The following TOGARAM2 variants were observed in gnomAD, a reference collection of about 807,000 sequenced individuals.
TOGARAM2 encodes TOG array regulator of axonemal microtubules protein 2.
TOGARAM2 carries 85 observed loss-of-function variants against 93.3 expected under a neutral mutation model. The observed-to-expected ratio is 0.91, with a 90% confidence interval of 0.76 to 1.09. The LOEUF is 1.09. Among genes scored for constraint, TOGARAM2 ranks in the 50% least tolerant of loss-of-function variants. TOGARAM2 has a pLI of 0.00. For synonymous variants in TOGARAM2, 593 were observed against 552.8 expected (o/e 1.07, Z -1.02); for missense variants, 1,277 against 1,334.5 (o/e 0.96, Z 0.67).
At chr2:28,996,710 C>T (rs1673005578) in intron 2 of TOGARAM2, among the ~76,000 whole-genome samples, 1 of 145,980 alleles carries the variant, frequency 6.9e-6, no homozygotes, top group Non-Finnish European at 1.5e-5. Flanking sequence ...GTAATCCCAG[C>T]TACTAGGGGG....
intron 18 of TOGARAM2, among the ~76,000 whole-genome samples, chr2:29,044,033 C>T (rs982529835): frequency 6.6e-6 from 1 of 152,188 alleles, no homozygotes; most frequent in African/African-American, 2.4e-5. Context: ...ATTAGTGGCT[C>T]ATCTCTGTAA....
chr2:29,005,133 GTA>G (rs1558421771), intron 6 of TOGARAM2, among the ~76,000 whole-genome samples: 1 of 96,824 alleles, frequency 1.0e-5, no homozygotes, highest in African/African-American at 3.9e-5. Context: ...GTGTGCATGT[GTA>G]TGTGTGTGAG....
Position 29,045,420 on chromosome 2 carries a change from C to T in TOGARAM2, c.2722+10C>T. 1 of 1,608,552 alleles carries T rather than the reference C, an allele frequency of 6.2e-7. No individual in the cohort carries two copies. Among genetic ancestry groups the T allele is most frequent in the Non-Finnish European group, 8.5e-7 (1 of 1,176,542 alleles). ...ACAGATCGCCTGGCAGGTGAGCACC[C>T]CCAGCCCCACCCCACCCCATCTCCT... On this transcript the variant is annotated intron_variant, in intron 19 of 19. Transcript: ENST00000379558.
chr2:29,045,464 C>T (rs759542242), intron 19 of TOGARAM2, 54 bp downstream of exon 19: 1 of 1,384,834 alleles, frequency 7.2e-7, no homozygotes, highest in South Asian at 1.2e-5. Flanking sequence ...TCTGTTCTCT[C>T]CTGGTCTGTG....
intron 1 of TOGARAM2, among the ~76,000 whole-genome samples, chr2:28,993,059 C>CAAA (rs59495138): frequency 2.2e-5 from 3 of 133,964 alleles, no homozygotes; most frequent in African/African-American, 2.9e-5. Flanking sequence ...GATTCTGTCT[C>CAAA]AAAAAAAAAA....
chr2:29,036,429 A>G (rs1666112854), intron 17 of TOGARAM2, 112 bp from the exon 18 acceptor site: 2 of 860,764 alleles, frequency 2.3e-6, no homozygotes, highest in South Asian at 3.2e-5. Context: ...ACGCAGGAGG[A>G]GTCTCTGCTG....
intron 19 of TOGARAM2, chr2:29,051,394 G>C (rs1667055679): frequency 5.9e-6 from 1 of 170,754 alleles, no homozygotes; most frequent in African/African-American, 2.4e-5. Context: ...GGGCAGGATT[G>C]TAACCAGGCG....
upstream of TOGARAM2, among the ~76,000 whole-genome samples, chr2:28,979,940 C>T (rs575311269): frequency 4.6e-5 from 7 of 152,328 alleles, no homozygotes; most frequent in African/African-American, 1.7e-4. Context: ...TGCCTTGTCA[C>T]GTCCCCGCCC....
At chr2:28,991,656 C>A (rs1194888895) in intron 1 of TOGARAM2, among the ~76,000 whole-genome samples, 3 of 152,214 alleles carry the variant, frequency 2.0e-5, no homozygotes, top group Non-Finnish European at 2.9e-5. Context: ...TCCTTGGGAG[C>A]AGAGTGGGCG....
chr2:29,016,821 C>A (rs1664604849), intron 8 of TOGARAM2, among the ~76,000 whole-genome samples: 1 of 152,236 alleles, frequency 6.6e-6, no homozygotes, highest in Admixed American at 6.5e-5. Flanking sequence ...TCAAACACTT[C>A]TCTCCTAGAA....
At position 28,999,425 on chromosome 2, in the gene TOGARAM2, C is replaced by A. The variant is rs73922933; in HGVS notation, c.384C>A (p.Leu128=). The A allele has an allele frequency of 1.2e-6, 2 of 1,612,828 alleles. No homozygotes were observed. Among genetic ancestry groups the A allele is most frequent in the Non-Finnish European group, 1.7e-6 (2 of 1,179,492 alleles). ...ARDTIQIKDK[L]KKRRLSEGLA... ...ACACCATCCAGATTAAGGACAAGCT[C>A]AAGAAAAGGAGGCTCTCAGAGGGCT... Residue 128 remains leucine, a synonymous_variant, in exon 4 of 20, where the codon CTC becomes CTA. Coordinates refer to ENST00000379558, the MANE Select transcript of TOGARAM2 (RefSeq NM_199280.4).
chr2:28,964,009 A>G (rs1486675633), intron 1 of TOGARAM2, among the ~76,000 whole-genome samples: 1 of 152,194 alleles, frequency 6.6e-6, no homozygotes, highest in Non-Finnish European at 1.5e-5. Flanking sequence ...CTCCATCTAA[A>G]AAGAGAAGAA....
intron 3 of TOGARAM2, among the ~76,000 whole-genome samples, 193 bp downstream of exon 3, chr2:28,998,446 C>T (rs1478766068): frequency 5.9e-5 from 9 of 152,214 alleles, no homozygotes; most frequent in Admixed American, 5.9e-4. Context: ...TGGAGGTGTG[C>T]AGAGGGGGAC....
chr2:29,006,359 CATGTGTGT>C (rs1663854695), intron 6 of TOGARAM2, among the ~76,000 whole-genome samples: 3 of 119,352 alleles, frequency 2.5e-5, no homozygotes, highest in African/African-American at 4.0e-5. Flanking sequence ...TGTGTGAGTG[CATGTGTGT>C]GCATGTGTAT....
At chr2:29,002,011 C>T (rs545505221) in intron 4 of TOGARAM2, among the ~76,000 whole-genome samples, 11 of 152,204 alleles carry the variant, frequency 7.2e-5, no homozygotes, top group African/African-American at 2.6e-4. Flanking sequence ...CTGTTGGGCA[C>T]CTAAAGCATT....
At chr2:28,963,797 C>A (rs1373745611) in intron 1 of TOGARAM2, among the ~76,000 whole-genome samples, 1 of 152,158 alleles carries the variant, frequency 6.6e-6, no homozygotes, top group Non-Finnish European at 1.5e-5. Flanking sequence ...CACCTGAGGT[C>A]AAGAGTTCAA....
At chr2:28,983,652 C>T (rs1327072882) in intron 1 of TOGARAM2, among the ~76,000 whole-genome samples, 8 of 152,246 alleles carry the variant, frequency 5.3e-5, no homozygotes, top group Non-Finnish European at 8.8e-5. Flanking sequence ...CTGTGCAAGA[C>T]TTTCTCAAGG....
intron 1 of TOGARAM2, among the ~76,000 whole-genome samples, chr2:28,957,797 G>A (rs1671748324): frequency 6.6e-6 from 1 of 152,172 alleles, no homozygotes; most frequent in South Asian, 2.1e-4. Context: ...TACAAGGGTG[G>A]GGAGGGTATC....
chr2:28,961,976 C>T (rs1052259694), intron 1 of TOGARAM2, among the ~76,000 whole-genome samples: 2 of 152,058 alleles, frequency 1.3e-5, no homozygotes, highest in African/African-American at 4.8e-5. Context: ...GTAGTTTTTA[C>T]AGTAGTGACA....
Sources: gnomAD v4.1 joint callset for allele counts (sites outside exome capture counted in the v4.1 genomes callset) on GRCh38, gnomAD v4.1.1 for gene constraint, MANE v1.5 for transcripts, NCBI Gene and HGNC (gene_info 2026-07-23, HGNC 2026-07-21) for gene names.